RCHY1: variants seen among roughly 807,000 people sequenced by gnomAD.
RCHY1 encodes the protein ring finger and CHY zinc finger domain containing 1.
RCHY1 carries 21 observed loss-of-function variants against 41.6 expected under a neutral mutation model. That is an observed-to-expected ratio of 0.51 (90% confidence interval 0.36 to 0.73). RCHY1 has a LOEUF of 0.73. RCHY1 is among the 30% of genes least tolerant of loss of function. The pLI, the probability that RCHY1 is intolerant of heterozygous loss-of-function variation, is 0.00. For missense variants in RCHY1, 265 were observed against 325.3 expected (o/e 0.81, Z 1.43); for synonymous variants, 79 against 102.9 (o/e 0.77, Z 1.41).
intron 3 of RCHY1, among the ~76,000 whole-genome samples, chr4:75,502,541 A>G (rs1471666945): frequency 1.3e-5 from 2 of 152,018 alleles, no homozygotes; most frequent in Non-Finnish European, 2.9e-5. Context: ...CTCCGTCTCA[A>G]AAAAAAAGAG....
intron 3 of RCHY1, among the ~76,000 whole-genome samples, chr4:75,508,081 CTA>C (rs1290634611): frequency 4.0e-5 from 6 of 151,010 alleles, no homozygotes; most frequent in African/African-American, 1.5e-4. Context: ...TAAAAACAAA[CTA>C]TATTTTAAAA....
At chr4:75,495,463 A>T (rs928389423) in intron 3 of RCHY1, among the ~76,000 whole-genome samples, 2 of 152,064 alleles carry the variant, frequency 1.3e-5, no homozygotes, top group African/African-American at 4.8e-5. Context: ...AACTGTCCTG[A>T]ATAAAGACTA....
chr4:75,482,662 A>G lies in RCHY1; in HGVS notation c.662T>C (p.Leu221Pro). The part of the protein sequence containing the change: ...SEYQNMTVDI[L>P]CNDCNGRSTV... ...GGATCGTCCATTACAGTCATTGCAGAGAATCTGAAAAGAGATTAATTCAAA... is the reference window on the plus strand; with the variant it reads ...GGATCGTCCATTACAGTCATTGCAGGGAATCTGAAAAGAGATTAATTCAAA... The change falls in exon 9 of 9, where the codon CTC (leucine) becomes CCC (proline). Residue 221 changes from leucine (L) to proline (P), a missense_variant. Transcript: ENST00000324439. The G allele has an allele frequency of 6.2e-7, 1 of 1,600,314 alleles. No homozygotes were observed. The highest frequency in any genetic ancestry group is 8.5e-7 in the Non-Finnish European group (1 of 1,171,864).
intron 1 of RCHY1, 52 bp from the exon 2 acceptor site, chr4:75,509,348 T>C (rs779265679): frequency 1.1e-5 from 18 of 1,568,532 alleles, no homozygotes; most frequent in Admixed American, 3.9e-5. Context: ...AGAAACTAAG[T>C]GTGCAATACA....
intron 8 of RCHY1, among the ~76,000 whole-genome samples, chr4:75,483,104 G>T (rs982408997): frequency 6.6e-6 from 1 of 151,996 alleles, no homozygotes; most frequent in Admixed American, 6.6e-5. Context: ...TTAGTATACT[G>T]TTCCCTGTCT....
chr4:75,487,468 T>G (rs1428104842), intron 8 of RCHY1, among the ~76,000 whole-genome samples: 1 of 136,404 alleles, frequency 7.3e-6, no homozygotes, highest in Non-Finnish European at 1.5e-5. Context: ...CATATATATA[T>G]TCACAATATA....
At chr4:75,484,045 C>T (rs939843555) in intron 8 of RCHY1, among the ~76,000 whole-genome samples, 1 of 152,206 alleles carries the variant, frequency 6.6e-6, no homozygotes, top group African/African-American at 2.4e-5. Flanking sequence ...AGTCAAGACC[C>T]TCTGAATCTA....
intron 3 of RCHY1, among the ~76,000 whole-genome samples, chr4:75,504,906 G>C (rs376860837): frequency 6.6e-6 from 1 of 152,202 alleles, no homozygotes; most frequent in Non-Finnish European, 1.5e-5. Flanking sequence ...GGTAAATGGC[G>C]ATGACTAATT....
At chr4:75,513,749 G>C (rs535313324) in intron 1 of RCHY1, among the ~76,000 whole-genome samples, 13 of 152,280 alleles carry the variant, frequency 8.5e-5, no homozygotes, top group African/African-American at 2.9e-4. Flanking sequence ...GTCTGAACAT[G>C]TGCACTGCCT....
intron 8 of RCHY1, among the ~76,000 whole-genome samples, chr4:75,484,882 A>C (rs1024787865): frequency 6.6e-6 from 1 of 152,168 alleles, no homozygotes; most frequent in African/African-American, 2.4e-5. Flanking sequence ...ACCAAAAAAA[A>C]AAGTGCATTT....
At chr4:75,493,854 G>C (rs1436560593) in intron 4 of RCHY1, among the ~76,000 whole-genome samples, 2 of 151,896 alleles carry the variant, frequency 1.3e-5, no homozygotes, top group East Asian at 3.9e-4. Context: ...TAACTTGGAA[G>C]TTGCCAACAT....
Position 75,502,357 on chromosome 4 carries a change from G to A in RCHY1, c.326+6463C>T, listed in dbSNP as rs370857175. Among the ~76,000 whole-genome samples, 21 of 151,956 alleles carry A rather than the reference G, an allele frequency of 1.4e-4. 1 individual carries two copies. Among genetic ancestry groups the A allele is most frequent in the African/African-American group, 4.1e-4 (17 of 41,440 alleles). On this transcript the variant is annotated intron_variant, in intron 3 of 8. Coordinates refer to ENST00000324439, the MANE Select transcript of RCHY1 (RefSeq NM_015436.4). ...AGATCGAGACCATGCTGGCTAACAC[G>A]GTGAAACCCCGTCTCTACTAAAAAT...
At position 75,482,516 on chromosome 4, in the gene RCHY1, T is replaced by C; in HGVS notation, c.*22A>G. The C allele has an allele frequency of 6.4e-7, 1 of 1,551,996 alleles. No homozygotes were observed. The highest frequency in any genetic ancestry group is 2.0e-5 in the Admixed American group (1 of 49,544). The stretch of plus-strand genomic sequence containing the variant: ...TTTTCTATATCAGAAAATGCCAAGT[T>C]CTCCAGTACTGTGTAGGCTCGTCAT... On this transcript the variant is annotated 3_prime_UTR_variant, in exon 9 of 9. Coordinates refer to ENST00000324439, the MANE Select transcript of RCHY1 (RefSeq NM_015436.4).
At chr4:75,490,535 G>A in intron 8 of RCHY1, 46 bp downstream of exon 8, 1 of 1,536,468 alleles carries the variant, frequency 6.5e-7, no homozygotes, top group Non-Finnish European at 8.8e-7. Flanking sequence ...AAAAATAAGA[G>A]TGCCAACAAG....
intron 8 of RCHY1, among the ~76,000 whole-genome samples, chr4:75,488,120 T>C (rs1294643091): frequency 6.6e-6 from 1 of 151,678 alleles, no homozygotes; most frequent in East Asian, 1.9e-4. Flanking sequence ...TAAGAAATGA[T>C]ATTTAACCTT....
intron 3 of RCHY1, among the ~76,000 whole-genome samples, chr4:75,507,054 G>C (rs1411904794): frequency 2.0e-5 from 3 of 151,588 alleles, no homozygotes; most frequent in Non-Finnish European, 4.4e-5. Context: ...CAAAAATGGA[G>C]GCAAAAAAAA....
upstream of RCHY1, chr4:75,514,475 A>G (rs1578252274): frequency 8.8e-6 from 5 of 570,460 alleles, no homozygotes; most frequent in East Asian, 1.4e-4. Context: ...GCGAAGGCAG[A>G]CGCAGTCTCC....
intron 1 of RCHY1, among the ~76,000 whole-genome samples, chr4:75,511,220 T>C (rs1724837460): frequency 6.6e-6 from 1 of 152,184 alleles, no homozygotes; most frequent in Non-Finnish European, 1.5e-5. Flanking sequence ...ACATTTAACA[T>C]GCAATATCAA....
intron 8 of RCHY1, among the ~76,000 whole-genome samples, chr4:75,483,393 A>C (rs1247754380): frequency 6.6e-6 from 1 of 152,182 alleles, no homozygotes; most frequent in African/African-American, 2.4e-5. Flanking sequence ...TTATTTAAAA[A>C]ATATGATCTA....
Sources: gnomAD v4.1 joint callset for allele counts (sites outside exome capture counted in the v4.1 genomes callset) on GRCh38, gnomAD v4.1.1 for gene constraint, MANE v1.5 for transcripts, NCBI Gene and HGNC (gene_info 2026-07-23, HGNC 2026-07-21) for gene names.